The following MAL2 variants were observed in gnomAD, a reference collection of about 807,000 sequenced individuals.
MAL2 encodes the protein protein MAL2.
MAL2 carries 17 observed loss-of-function variants against 18.1 expected under a neutral mutation model. The observed-to-expected ratio is 0.94, with a 90% CI of 0.64 to 1.41. The LOEUF (loss-of-function observed/expected upper bound fraction) is 1.41, where lower values mean the gene tolerates loss of function less well. Among genes scored for constraint, MAL2 ranks in the 40% most tolerant of loss-of-function variants. The pLI, the probability that MAL2 is intolerant of heterozygous loss-of-function variation, is 0.00. For synonymous variants in MAL2, 102 were observed against 102.3 expected (o/e 1.00, Z 0.02); for missense variants, 222 against 231.9 (o/e 0.96, Z 0.28).
At chr8:119,243,302 T>A in intron 3 of MAL2, 115 bp from the exon 4 acceptor site, 1 of 588,070 alleles carries the variant, frequency 1.7e-6, no homozygotes, top group Non-Finnish European at 2.7e-6. Context: ...TTTTTGTAAG[T>A]GTCGAAGTAT....
At chr8:119,221,520 CA>C (rs1366795255) in intron 1 of MAL2, 66 bp from the exon 2 acceptor site, 2 of 1,575,222 alleles carry the variant, frequency 1.3e-6, no homozygotes, top group African/African-American at 2.7e-5. Context: ...GTAATACAAG[CA>C]TGTTTAATTC....
chr8:119,239,274 A>C (rs1817991976), intron 2 of MAL2, among the ~76,000 whole-genome samples: 1 of 152,108 alleles, frequency 6.6e-6, no homozygotes, highest in African/African-American at 2.4e-5. Context: ...GTCAGGAAAC[A>C]ACAGGTGCTG....
At chr8:119,216,457 T>C (rs1164014577) in intron 1 of MAL2, among the ~76,000 whole-genome samples, 1 of 151,712 alleles carries the variant, frequency 6.6e-6, no homozygotes, top group Non-Finnish European at 1.5e-5. Context: ...TAATGTTGTC[T>C]CTCAAGGTCT....
At chr8:119,211,866 GC>G (rs145574721) in intron 1 of MAL2, among the ~76,000 whole-genome samples, 11,938 of 152,074 alleles carry the variant, frequency 0.079, 1,367 homozygotes, top group African/African-American at 0.25. Context: ...TAGAATGGAA[GC>G]CATCACCTTC....
chr8:119,232,472 T>A (rs1817753921), intron 2 of MAL2, among the ~76,000 whole-genome samples: 1 of 152,200 alleles, frequency 6.6e-6, no homozygotes, highest in Admixed American at 6.5e-5. Flanking sequence ...TGATGGTATA[T>A]TAATTCAGGT....
chr8:119,242,879 CTCAT>C (rs1818075465), intron 3 of MAL2, among the ~76,000 whole-genome samples: 1 of 152,174 alleles, frequency 6.6e-6, no homozygotes, highest in Non-Finnish European at 1.5e-5. Context: ...TGAAGAAATT[CTCAT>C]TAATTCCAAG....
chr8:119,229,864 C>T (rs917154570), intron 2 of MAL2, among the ~76,000 whole-genome samples: 7 of 152,156 alleles, frequency 4.6e-5, no homozygotes, highest in Non-Finnish European at 7.3e-5. Context: ...GCCATAGGTA[C>T]GAACTGAGGA....
At chr8:119,227,470 T>C (rs1340117401) in intron 2 of MAL2, among the ~76,000 whole-genome samples, 2 of 152,190 alleles carry the variant, frequency 1.3e-5, no homozygotes, top group Admixed American at 6.5e-5. Context: ...TTTGAGAGTT[T>C]TGTGTTGGGC....
intron 2 of MAL2, among the ~76,000 whole-genome samples, chr8:119,238,469 T>G (rs1587143283): frequency 6.6e-6 from 1 of 151,874 alleles, no homozygotes; most frequent in East Asian, 1.9e-4. Context: ...CATCGCCAAG[T>G]CAATCCTAAG....
chr8:119,232,855 T>C (rs972308169), intron 2 of MAL2, among the ~76,000 whole-genome samples: 2 of 152,198 alleles, frequency 1.3e-5, no homozygotes, highest in Non-Finnish European at 2.9e-5. Flanking sequence ...AAATTACATA[T>C]TATTAGGAGC....
chr8:119,234,017 C>T (rs868830030), intron 2 of MAL2, among the ~76,000 whole-genome samples: 53 of 152,244 alleles, frequency 3.5e-4, no homozygotes, highest in Admixed American at 1.2e-3. Flanking sequence ...ACGCAGAAGA[C>T]GGATGATTTC....
At chr8:119,214,176 A>G (rs947188671) in intron 1 of MAL2, among the ~76,000 whole-genome samples, 1 of 152,234 alleles carries the variant, frequency 6.6e-6, no homozygotes, top group Non-Finnish European at 1.5e-5. Context: ...ATGCACATGC[A>G]GTACTTAACA....
intron 2 of MAL2, among the ~76,000 whole-genome samples, chr8:119,227,813 C>T (rs576403805): frequency 1.5e-4 from 23 of 152,190 alleles, no homozygotes; most frequent in Middle Eastern, 3.4e-3. Context: ...ATGACATCTC[C>T]GTTCACTGGA....
At chr8:119,233,256 A>G (rs1214126033) in intron 2 of MAL2, among the ~76,000 whole-genome samples, 2 of 152,242 alleles carry the variant, frequency 1.3e-5, no homozygotes, top group African/African-American at 4.8e-5. Flanking sequence ...CATCACAATT[A>G]AAAGAACTAG....
intron 2 of MAL2, among the ~76,000 whole-genome samples, chr8:119,235,749 G>A (rs371775756): frequency 2.6e-4 from 38 of 145,958 alleles, no homozygotes; most frequent in African/African-American, 8.1e-4. Flanking sequence ...ATGCTGAGAG[G>A]TTTTGTCACC....
chr8:119,220,734 A>G (rs573058769), intron 1 of MAL2, among the ~76,000 whole-genome samples: 6 of 152,086 alleles, frequency 3.9e-5, no homozygotes, highest in Admixed American at 3.9e-4. Context: ...GCTTTACCCC[A>G]TAGCCCTGTG....
At chr8:119,234,303 G>T (rs1242583390) in intron 2 of MAL2, among the ~76,000 whole-genome samples, 1 of 152,150 alleles carries the variant, frequency 6.6e-6, no homozygotes, top group African/African-American at 2.4e-5. Context: ...GGCTGGGAGG[G>T]TCCTATGCCC....
At chr8:119,217,155 T>G (rs2129789236) in intron 1 of MAL2, among the ~76,000 whole-genome samples, 1 of 152,332 alleles carries the variant, frequency 6.6e-6, no homozygotes, top group South Asian at 2.1e-4. Flanking sequence ...ACCCTGAGGA[T>G]TCAGTTTAGT....
chr8:119,213,320 A>G (rs1817294257), intron 1 of MAL2, among the ~76,000 whole-genome samples: 1 of 152,052 alleles, frequency 6.6e-6, no homozygotes, highest in Non-Finnish European at 1.5e-5. Flanking sequence ...TTTTCAACTG[A>G]GAGCTTTGAC....
Sources: allele counts gnomAD v4.1 joint callset (sites outside exome capture counted in the v4.1 genomes callset), GRCh38; gene constraint gnomAD v4.1.1; transcripts MANE v1.5; gene names NCBI Gene and HGNC (gene_info 2026-07-23, HGNC 2026-07-21).